The following PIEZO2 variants were observed in gnomAD, a reference collection of about 807,000 sequenced individuals.
PIEZO2 encodes the protein piezo type mechanosensitive ion channel component 2.
A neutral mutation model predicts 337.3 loss-of-function variants in PIEZO2; 172 were observed. That is an observed-to-expected ratio of 0.51 (90% CI 0.45 to 0.58). The LOEUF (loss-of-function observed/expected upper bound fraction) is 0.58. Among genes scored for constraint, PIEZO2 ranks in the 20% least tolerant of loss-of-function variants. PIEZO2 has a pLI of 0.00. For synonymous variants in PIEZO2, 1,251 were observed against 1,228.5 expected, an observed-to-expected ratio of 1.02 and a Z score of -0.38; for missense variants, 3,028 against 3,391.3, an observed-to-expected ratio of 0.89 and a Z score of 2.66.
chr18:11,084,359 C>T (rs1049883863), intron 1 of PIEZO2, among the ~76,000 whole-genome samples: 4 of 152,164 alleles, frequency 2.6e-5, no homozygotes, highest in African/African-American at 9.7e-5. Context: ...TGTTAGGCTA[C>T]AAGCCCTTCT....
In PIEZO2 at chr18:10,815,544, T is replaced by C. The variant is rs530135992; in HGVS notation, c.918-8270A>G. 1.3e-5 allele frequency among the ~76,000 whole-genome samples: 2 copies of C among 152,154 alleles called. No individual in the cohort carries two copies. The highest frequency in any genetic ancestry group is 2.9e-5 in the Non-Finnish European group (2 of 68,020). On this transcript the variant is annotated intron_variant, in intron 7 of 55. Transcript: ENST00000674853. This position sits in a 1 kb window ranked among gnomAD's most constrained non-coding sequence, Gnocchi z 4.1. ...GGCCTTGAAAATATCCTATATACAATTGTTTTGGATTGTAAGCTACAGGGT... is the reference window on the plus strand; with the variant it reads ...GGCCTTGAAAATATCCTATATACAACTGTTTTGGATTGTAAGCTACAGGGT...
In PIEZO2 at chr18:10,752,638, A is replaced by T; in HGVS notation, c.4165T>A (p.Ser1389Thr). 6.5e-7 allele frequency: 1 copy of T among 1,537,094 alleles called. No individual in the cohort carries two copies. Among genetic ancestry groups the T allele is most frequent in the South Asian group, 1.2e-5 (1 of 84,054 alleles). ...GTTATGCAGTGGCAACCACTTACTGACAGGATATTTTTCATCGTAATCACA... is the reference window on the plus strand; with the variant it reads ...GTTATGCAGTGGCAACCACTTACTGTCAGGATATTTTTCATCGTAATCACA... ...VFVITMKNIL[S>T]IGACGYIGTL... The change falls in exon 28 of 56, where the codon TCA becomes ACA. Residue 1389 changes from serine (S) to threonine (T), a missense_variant and splice_region_variant. By Grantham distance (58) the Ser-to-Thr change is moderately conservative. Transcript: ENST00000674853.
chr18:10,840,384 G>C lies in PIEZO2; in HGVS notation c.917+14969C>G, dbSNP rs2041154092. ...GTTTAGAAGGGTAAAATATTGAATT[G>C]GTGGTCACATTAACCGTTCCAAATC... On this transcript the variant is annotated intron_variant, in intron 7 of 55. Coordinates refer to ENST00000674853, the MANE Select transcript of PIEZO2 (RefSeq NM_001378183.1). Among the ~76,000 whole-genome samples, 5 of 151,486 alleles carry C rather than the reference G, an allele frequency of 3.3e-5. No individual in the cohort carries two copies. The South Asian group carries it at 8.4e-4, about 25-fold the overall frequency.
At chr18:10,812,984 C>CTTTTTTTTTTTT (rs5823122) in intron 7 of PIEZO2, among the ~76,000 whole-genome samples, 1 of 146,280 alleles carries the variant, frequency 6.8e-6, no homozygotes. Context: ...TTATTTTAAA[C>CTTTTTTTTTTTT]TTTTTTTTTT....
intron 5 of PIEZO2, among the ~76,000 whole-genome samples, chr18:10,860,041 G>A (rs2041832571): frequency 6.6e-6 from 1 of 152,150 alleles, no homozygotes; most frequent in South Asian, 2.1e-4. Context: ...GAGGCAGATT[G>A]GAGACGGAGA....
intron 27 of PIEZO2, among the ~76,000 whole-genome samples, chr18:10,756,916 G>A (rs752767688): frequency 3.1e-5 from 3 of 97,772 alleles, no homozygotes; most frequent in African/African-American, 1.2e-4. Flanking sequence ...ATGGGGATAC[G>A]GATGAGGGAT....
At chr18:10,785,281 C>T (rs28513661) in intron 16 of PIEZO2, among the ~76,000 whole-genome samples, 128,797 of 152,180 alleles carry the variant, frequency 0.85, 54,597 homozygotes, top group East Asian at 0.93. Context: ...CATGATCTCC[C>T]CCTTTTCTAT....
At chr18:10,910,035 C>A (rs1445248240) in intron 4 of PIEZO2, among the ~76,000 whole-genome samples, 1 of 152,224 alleles carries the variant, frequency 6.6e-6, no homozygotes, top group Non-Finnish European at 1.5e-5. Flanking sequence ...AGAAACAATG[C>A]ATTTTCAAGT....
rs2038274966 is a variant in PIEZO2 at position 11,069,806 on chromosome 18, C to T, written c.65-3584G>A. On this transcript the variant is annotated intron_variant, in intron 1 of 55. Transcript: ENST00000674853. The surrounding 1 kb of genome is among the most constrained non-coding windows in gnomAD (Gnocchi z 4.9). ...AGATTCAACCAAAAAATTGTTAGAACTAATTAATTCAGTAAAGTTTCAAAA... is the reference window on the plus strand; with the variant it reads ...AGATTCAACCAAAAAATTGTTAGAATTAATTAATTCAGTAAAGTTTCAAAA... Among the ~76,000 whole-genome samples, 3 of 152,230 alleles carry T rather than the reference C, an allele frequency of 2.0e-5. No individual in the cohort carries two copies. In the South Asian group the frequency reaches 6.2e-4, roughly 32 times the overall value.
chr18:10,840,950 T>C (rs2041171141), intron 7 of PIEZO2, among the ~76,000 whole-genome samples: 1 of 152,180 alleles, frequency 6.6e-6, no homozygotes, highest in Non-Finnish European at 1.5e-5. Context: ...AGATGTGGGA[T>C]ATGAGGAGAG....
rs1444305014 is a variant in PIEZO2 at position 10,870,527 on chromosome 18, C to G, written c.492+726G>C. Among the ~76,000 whole-genome samples the G allele has an allele frequency of 6.6e-6, 1 of 152,120 alleles. No individual in the cohort carries two copies. Among genetic ancestry groups the G allele is most frequent in the Admixed American group, 6.5e-5 (1 of 15,268 alleles). ...ACTCTTTAAACTGATGTCTCCTAAC[C>G]TCACCTAACAAAGTACAGTTATTAG... On this transcript the variant is annotated intron_variant, in intron 5 of 55. Transcript: ENST00000674853. The surrounding 1 kb of genome is among the most constrained non-coding windows in gnomAD (Gnocchi z 5.3).
intron 4 of PIEZO2, among the ~76,000 whole-genome samples, chr18:10,885,195 C>G (rs1019013703): frequency 6.6e-6 from 1 of 152,010 alleles, no homozygotes; most frequent in Admixed American, 6.6e-5. Context: ...GAGGCCGAGG[C>G]GGGCGGATCA....
rs2039265132 is a variant in PIEZO2 at position 11,096,424 on chromosome 18, C to T, written c.65-30202G>A. On this transcript the variant is annotated intron_variant, in intron 1 of 55. Coordinates refer to ENST00000674853, the MANE Select transcript of PIEZO2 (RefSeq NM_001378183.1). The surrounding 1 kb of genome is among the most constrained non-coding windows in gnomAD (Gnocchi z 4.6). ...GAGCAGAAATCCAGGAGCCTGGTCCCGGGCTCCACACCTGGTTCTGCCTCC... is the reference window on the plus strand; with the variant it reads ...GAGCAGAAATCCAGGAGCCTGGTCCTGGGCTCCACACCTGGTTCTGCCTCC... 1.3e-5 allele frequency among the ~76,000 whole-genome samples: 2 copies of T among 152,212 alleles called. No homozygotes were observed. The highest frequency in any genetic ancestry group is 4.8e-5 in the African/African-American group (2 of 41,448).
In PIEZO2 at chr18:10,988,920, G is replaced by C. The variant is rs79635390; in HGVS notation, c.161-9260C>G. On this transcript the variant is annotated intron_variant, in intron 2 of 55. Transcript: ENST00000674853. The surrounding 1 kb of genome is among the most constrained non-coding windows in gnomAD (Gnocchi z 4.8). ...AGAGAGTAGAATGGTGGTTATAAGG[G>C]GCTGGGGGTGGAGAGCAGGGAAATG... Among the ~76,000 whole-genome samples the C allele has an allele frequency of 6.6e-6, 1 of 152,072 alleles. No individual in the cohort carries two copies. Among genetic ancestry groups the C allele is most frequent in the African/African-American group, 2.4e-5 (1 of 41,394 alleles).
At position 11,116,583 on chromosome 18, in the gene PIEZO2, CG is replaced by C. The variant is rs1028424994; in HGVS notation, c.64+31941del. Among the ~76,000 whole-genome samples the C allele has an allele frequency of 4.5e-3, 682 of 151,880 alleles. 3 individuals are homozygous for C. Among genetic ancestry groups the C allele is most frequent in the African/African-American group, 0.015 (634 of 41,416 alleles). ...TTAAAAAATTAGCCGGGCGTGGTGG[CG>C]GGGGGCCTGTAGTCCCAGCTACTCG... On this transcript the variant is annotated intron_variant, in intron 1 of 55. Transcript: ENST00000674853. This position sits in a 1 kb window ranked among gnomAD's most constrained non-coding sequence, Gnocchi z 5.0.
At chr18:10,738,268 G>C (rs1427283180) in intron 33 of PIEZO2, 2 of 152,102 alleles carry the variant, frequency 1.3e-5, no homozygotes, top group Non-Finnish European at 2.9e-5. Context: ...TGGTCGTTTG[G>C]GAAAACACAG....
chr18:10,680,242 G>GGTCCAGGA lies in PIEZO2; in HGVS notation c.7901_7908dup (p.Pro2637SerfsTer20). 2 of 1,613,824 alleles carry GGTCCAGGA rather than the reference G, an allele frequency of 1.2e-6. No homozygotes were observed. Among genetic ancestry groups the GGTCCAGGA allele is most frequent in the Non-Finnish European group, 1.7e-6 (2 of 1,179,818 alleles). ...AAAACAACAGAGAAGCTACTATTGG[G>GGTCCAGGA]GTCCAGGAGTTCGTGTATCATTTTC... is the stretch of plus-strand genomic sequence containing the variant. On this transcript the variant is annotated frameshift_variant, in exon 52 of 56. Transcript: ENST00000674853. LOFTEE classifies it high-confidence loss of function.
chr18:10,925,522 A>G (rs2031673991), intron 3 of PIEZO2, among the ~76,000 whole-genome samples: 2 of 152,198 alleles, frequency 1.3e-5, no homozygotes, highest in Non-Finnish European at 2.9e-5. Flanking sequence ...CATTCCATGA[A>G]GAAAATAAAG....
At chr18:11,147,042 G>A (rs2040828224) in intron 1 of PIEZO2, among the ~76,000 whole-genome samples, 1 of 152,168 alleles carries the variant, frequency 6.6e-6, no homozygotes, top group African/African-American at 2.4e-5. Context: ...AATGTGCCAG[G>A]CACAGTGCCA....
Sources: gnomAD v4.1 joint callset for allele counts (sites outside exome capture counted in the v4.1 genomes callset) on GRCh38, gnomAD v4.1.1 for gene constraint, Gnocchi (gnomAD v3.1) non-coding constraint, MANE v1.5 for transcripts, NCBI Gene and HGNC (gene_info 2026-07-23, HGNC 2026-07-21) for gene names.